The following LRRC8C variants were observed in gnomAD, a reference collection of about 807,000 sequenced individuals.
The protein encoded by LRRC8C is leucine rich repeat containing 8 VRAC subunit C.
A neutral mutation model predicts 55.3 loss-of-function variants in LRRC8C; 20 were observed. That is an observed-to-expected ratio of 0.36 (90% CI 0.25 to 0.53). The LOEUF (loss-of-function observed/expected upper bound fraction) is 0.53, where lower values mean the gene tolerates loss of function less well. Among genes scored for constraint, LRRC8C ranks in the 20% least tolerant of loss-of-function variants. LRRC8C has a pLI of 0.92. For missense variants in LRRC8C, 659 were observed against 951.4 expected (o/e 0.69, Z 4.04); for synonymous variants, 376 against 360.7 (o/e 1.04, Z -0.48).
rs969186211 is a variant in LRRC8C, at chr1:89,657,654, T to G, written c.-5+24332T>G. Among the ~76,000 whole-genome samples the G allele has an allele frequency of 1.4e-4, 21 of 150,470 alleles. 1 individual carries two copies. The highest frequency in any genetic ancestry group is 5.1e-4 in the African/African-American group (21 of 40,994). On this transcript the variant is annotated intron_variant, in intron 1 of 2. Transcript: ENST00000370454. Reference sequence around the variant, plus strand: ...TACTTGGGAGACTGAGGCAGGAGAATTGCTCGAACCCGGGAGGCAGAGGTT... The same window carrying G: ...TACTTGGGAGACTGAGGCAGGAGAAGTGCTCGAACCCGGGAGGCAGAGGTT...
chr1:89,650,804 C>T (rs1332439305), intron 1 of LRRC8C, among the ~76,000 whole-genome samples: 1 of 152,176 alleles, frequency 6.6e-6, no homozygotes, highest in Non-Finnish European at 1.5e-5. Context: ...ACACTTACAT[C>T]CCTCCAATAT....
intron 2 of LRRC8C, among the ~76,000 whole-genome samples, chr1:89,709,179 T>G (rs1455829628): frequency 6.6e-6 from 1 of 152,130 alleles, no homozygotes; most frequent in Non-Finnish European, 1.5e-5. Context: ...GGAAGCTAGG[T>G]GAAATGAGAA....
rs770087026 is a variant in LRRC8C at position 89,714,024 on chromosome 1, C to G, written c.1454C>G (p.Ala485Gly). 2 of 1,613,300 alleles carry G rather than the reference C, an allele frequency of 1.2e-6. No individual in the cohort carries two copies. The highest frequency in any genetic ancestry group is 1.7e-6 in the Non-Finnish European group (2 of 1,179,974). Residue 485 changes from alanine to glycine, a missense_variant, in exon 3 of 3, where the codon GCG becomes GGG. Around this residue, in one of 5 missense-constraint regions of LRRC8C, gnomAD observed 344 missense variants for 464.6 expected, o/e 0.74. Transcript: ENST00000370454. This position sits in a 1 kb window ranked among gnomAD's most constrained non-coding sequence, Gnocchi z 4.6. ...HQCSVKIHSA[A>G]LSFLKENLKV... is the part of the protein sequence containing the mutation. ...TGTTCTGTCAAAATCCACAGTGCGG[C>G]GCTCTCTTTCCTGAAGGAAAACCTC...
chr1:89,618,568 C>A, the LRRC8C span, among the ~76,000 whole-genome samples: 1 of 152,042 alleles, frequency 6.6e-6, no homozygotes, highest in Non-Finnish European at 1.5e-5. Flanking sequence ...ACAGTGGCCA[C>A]TAGGTAGGCA....
At chr1:89,694,234 A>G (rs1276656314) in intron 2 of LRRC8C, among the ~76,000 whole-genome samples, 1 of 152,082 alleles carries the variant, frequency 6.6e-6, no homozygotes, top group African/African-American at 2.4e-5. Context: ...CTTGTCATCT[A>G]TCACCTTGAC....
intron 1 of LRRC8C, chr1:89,668,083 T>C (rs529403224): frequency 6.5e-6 from 1 of 152,724 alleles, no homozygotes; most frequent in South Asian, 2.1e-4. Context: ...TTAAGTATCT[T>C]GATTATATTA....
At chr1:89,658,772 G>A (rs889107135) in intron 1 of LRRC8C, among the ~76,000 whole-genome samples, 1 of 152,098 alleles carries the variant, frequency 6.6e-6, no homozygotes, top group African/African-American at 2.4e-5. Context: ...TTCTGACAGG[G>A]AAATGAACTA....
At chr1:89,616,135 G>C in the LRRC8C span, among the ~76,000 whole-genome samples, 1 of 152,138 alleles carries the variant, frequency 6.6e-6, no homozygotes, top group Non-Finnish European at 1.5e-5. Context: ...CCACTAGGGG[G>C]CTGGGCACTA....
intron 1 of LRRC8C, among the ~76,000 whole-genome samples, chr1:89,649,538 C>T (rs755143086): frequency 3.8e-4 from 58 of 152,060 alleles, no homozygotes; most frequent in Non-Finnish European, 6.9e-4. Flanking sequence ...TTAAGATTTT[C>T]TTATTCTAGA....
intron 2 of LRRC8C, among the ~76,000 whole-genome samples, chr1:89,699,752 T>C (rs935115088): frequency 2.0e-5 from 3 of 152,154 alleles, no homozygotes; most frequent in African/African-American, 4.8e-5. Flanking sequence ...AATATGCTTA[T>C]AGTCAACATA....
rs1173916430 is a variant in LRRC8C at position 89,714,696 on chromosome 1, A to G, written c.2126A>G (p.Gln709Arg). The change falls in exon 3 of 3, where the codon CAG becomes CGG. Residue 709 changes from glutamine to arginine, a missense_variant. Physicochemically the swap from Gln to Arg is conservative, Grantham distance 43. Around this residue, in one of 5 missense-constraint regions of LRRC8C, gnomAD observed 344 missense variants for 464.6 expected, o/e 0.74. Coordinates refer to ENST00000370454, the MANE Select transcript of LRRC8C (RefSeq NM_032270.5). The surrounding 1 kb of genome is among the most constrained non-coding windows in gnomAD (Gnocchi z 4.6). The part of the protein sequence containing the change: ...PPEIGVLQSL[Q>R]YFSITCNKVE... The stretch of plus-strand genomic sequence containing the variant: ...GAAATTGGAGTTCTACAAAGTTTAC[A>G]GTATTTTTCCATCACATGTAACAAA... The G allele has an allele frequency of 2.5e-6, 4 of 1,614,256 alleles. No homozygotes were observed. The highest frequency in any genetic ancestry group is 4.5e-5 in the East Asian group (2 of 44,892).
At chr1:89,616,988 G>C in the LRRC8C span, among the ~76,000 whole-genome samples, 1 of 152,180 alleles carries the variant, frequency 6.6e-6, no homozygotes, top group African/African-American at 2.4e-5. Flanking sequence ...TCAATGCCTT[G>C]TGCCTTCTCT....
rs116421997 is a variant in LRRC8C, at chr1:89,670,297, G to T, written c.-4-16173G>T. Among the ~76,000 whole-genome samples, 1,008 of 152,222 alleles carry T rather than the reference G, an allele frequency of 6.6e-3. 8 individuals carry two copies. Among genetic ancestry groups the T allele is most frequent in the African/African-American group, 0.023 (975 of 41,540 alleles). On this transcript the variant is annotated intron_variant, in intron 1 of 2. Coordinates refer to ENST00000370454, the MANE Select transcript of LRRC8C (RefSeq NM_032270.5). ...TAGTGCTGAAGAAGGTTTTCTTAGC[G>T]TTAAACCTCGCATTTTCATTTCCGC...
chr1:89,661,699 G>A (rs1657128436), intron 1 of LRRC8C, among the ~76,000 whole-genome samples: 1 of 152,210 alleles, frequency 6.6e-6, no homozygotes, highest in South Asian at 2.1e-4. Context: ...CAAGTGGGAG[G>A]AGAGAGAAAA....
rs1197635101 is a variant in LRRC8C, at chr1:89,713,988, C to T, written c.1418C>T (p.Ser473Phe). ...IAQLDNLQEL[S>F]LHQCSVKIHS... ...CAGCTAGACAATCTTCAAGAGCTCT[C>T]TCTGCACCAGTGTTCTGTCAAAATC... The change falls in exon 3 of 3, where the codon TCT (serine) becomes TTT (phenylalanine). Residue 473 changes from serine to phenylalanine, a missense_variant. Ser to Phe is a radical substitution (Grantham distance 155). Coordinates refer to ENST00000370454, the MANE Select transcript of LRRC8C (RefSeq NM_032270.5). This position sits in a 1 kb window ranked among gnomAD's most constrained non-coding sequence, Gnocchi z 5.2. The T allele has an allele frequency of 6.2e-7, 1 of 1,613,204 alleles. No individual in the cohort carries two copies. Among genetic ancestry groups the T allele is most frequent in the African/African-American group, 1.3e-5 (1 of 74,904 alleles).
At chr1:89,696,827 A>G (rs1658188815) in intron 2 of LRRC8C, among the ~76,000 whole-genome samples, 1 of 152,194 alleles carries the variant, frequency 6.6e-6, no homozygotes, top group African/African-American at 2.4e-5. Context: ...AGCAAAGAAG[A>G]GTCTTTTCTC....
chr1:89,694,068 T>C (rs1349243634), intron 2 of LRRC8C, among the ~76,000 whole-genome samples: 5 of 152,032 alleles, frequency 3.3e-5, no homozygotes, highest in Non-Finnish European at 7.4e-5. Context: ...AGAGCAACCT[T>C]TGTCATCTCT....
intron 2 of LRRC8C, among the ~76,000 whole-genome samples, chr1:89,691,763 ATAT>A (rs1214678180): frequency 6.6e-6 from 1 of 152,200 alleles, no homozygotes; most frequent in Non-Finnish European, 1.5e-5. Context: ...CTGCTATCAA[ATAT>A]TATGGAACCA....
intron 1 of LRRC8C, among the ~76,000 whole-genome samples, chr1:89,665,326 GT>G (rs1199685133): frequency 6.6e-6 from 1 of 152,104 alleles, no homozygotes; most frequent in Non-Finnish European, 1.5e-5. Flanking sequence ...TTTATTGAGA[GT>G]TTTTAGCATG....
Sources: allele counts gnomAD v4.1 joint callset (sites outside exome capture counted in the v4.1 genomes callset), GRCh38; gene constraint gnomAD v4.1.1; regional missense constraint gnomAD v4.1.1; non-coding constraint Gnocchi (gnomAD v3.1); transcripts MANE v1.5; gene names NCBI Gene and HGNC (gene_info 2026-07-23, HGNC 2026-07-21).